The following ANKS1B variants were observed in gnomAD, a reference collection of about 807,000 sequenced individuals.
ANKS1B encodes ankyrin repeat and sterile alpha motif domain-containing protein 1B.
ANKS1B carries 36 observed loss-of-function variants against 148.3 expected under a neutral mutation model. The observed-to-expected ratio is 0.24, with a 90% CI of 0.19 to 0.32. The LOEUF is 0.32. Ranked by LOEUF, ANKS1B falls within the 10% of genes least tolerant of loss-of-function variation. ANKS1B has a pLI of 1.00. For synonymous variants in ANKS1B, 542 were observed against 560.8 expected, an observed-to-expected ratio of 0.97 and a Z score of 0.47; for missense variants, 1,157 against 1,542.6, an observed-to-expected ratio of 0.75 and a Z score of 4.19.
chr12:99,311,199 T>A (rs1272503432), intron 12 of ANKS1B, among the ~76,000 whole-genome samples: 2 of 152,116 alleles, frequency 1.3e-5, no homozygotes, highest in African/African-American at 2.4e-5. Flanking sequence ...CTTGCCAATA[T>A]TAATCTAGAG....
chr12:99,647,499 C>T (rs1041543761), intron 9 of ANKS1B, among the ~76,000 whole-genome samples: 1 of 152,160 alleles, frequency 6.6e-6, no homozygotes, highest in African/African-American at 2.4e-5. Context: ...AAACTCTTGC[C>T]TTGCACAGAA....
At chr12:99,400,495 C>T (rs1483009945) in intron 11 of ANKS1B, among the ~76,000 whole-genome samples, 2 of 144,656 alleles carry the variant, frequency 1.4e-5, no homozygotes, top group Non-Finnish European at 3.0e-5. Flanking sequence ...ATAATCTATA[C>T]CCTTTGTCAG....
At chr12:99,044,980 A>G (rs2099961391) in intron 17 of ANKS1B, among the ~76,000 whole-genome samples, 1 of 152,192 alleles carries the variant, frequency 6.6e-6, no homozygotes. Flanking sequence ...AAGAGAGGGC[A>G]CATTTGAAAC....
At chr12:98,989,858 A>G (rs761564992) in intron 17 of ANKS1B, among the ~76,000 whole-genome samples, 1 of 152,000 alleles carries the variant, frequency 6.6e-6, no homozygotes, top group Non-Finnish European at 1.5e-5. Flanking sequence ...GTGCCACTGC[A>G]TTGCAGCCTA....
intron 14 of ANKS1B, among the ~76,000 whole-genome samples, chr12:99,239,411 G>A (rs2131167): frequency 0.45 from 68,660 of 151,960 alleles, 15,829 homozygotes; most frequent in African/African-American, 0.54. Context: ...AGAAATATGG[G>A]ACTATGTGAA....
chr12:99,930,353 A>C (rs1261983498), intron 1 of ANKS1B, among the ~76,000 whole-genome samples: 341 of 152,150 alleles, frequency 2.2e-3, no homozygotes, highest in African/African-American at 7.7e-3. Context: ...GATTTTGTAT[A>C]CTGAGACTTT....
intron 15 of ANKS1B, among the ~76,000 whole-genome samples, chr12:99,109,188 C>T (rs1449686140): frequency 1.2e-5 from 1 of 84,134 alleles, no homozygotes; most frequent in Admixed American, 1.5e-4. Flanking sequence ...ACCATCAGCA[C>T]TTGCTAGCTT....
chr12:99,406,103 G>T (rs1446787424), intron 11 of ANKS1B, among the ~76,000 whole-genome samples: 5 of 144,914 alleles, frequency 3.5e-5, no homozygotes, highest in Non-Finnish European at 7.6e-5. Flanking sequence ...TTTCATCATT[G>T]GACAGATCAT....
chr12:99,537,460 TG>T (rs1567301731), intron 9 of ANKS1B, among the ~76,000 whole-genome samples: 1 of 152,150 alleles, frequency 6.6e-6, no homozygotes. Flanking sequence ...CCATTTTAAC[TG>T]GGTAAGATGA....
At chr12:99,572,576 C>T (rs2097469546) in intron 9 of ANKS1B, among the ~76,000 whole-genome samples, 1 of 152,018 alleles carries the variant, frequency 6.6e-6, no homozygotes, top group Non-Finnish European at 1.5e-5. Context: ...GTTTTAAACA[C>T]AGTGTATAAA....
chr12:99,536,076 G>A (rs1469626518), intron 9 of ANKS1B, among the ~76,000 whole-genome samples: 1 of 152,090 alleles, frequency 6.6e-6, no homozygotes, highest in Non-Finnish European at 1.5e-5. Context: ...GCAGCTCCCT[G>A]GAAAAGCTCC....
chr12:99,238,121 G>A (rs1304658944), intron 14 of ANKS1B, among the ~76,000 whole-genome samples: 1 of 152,240 alleles, frequency 6.6e-6, no homozygotes, highest in Non-Finnish European at 1.5e-5. Flanking sequence ...AGTGCAAGGG[G>A]TTGGGGGATT....
intron 24 of ANKS1B, among the ~76,000 whole-genome samples, chr12:98,773,939 C>T (rs1326225941): frequency 6.6e-6 from 1 of 152,138 alleles, no homozygotes; most frequent in Non-Finnish European, 1.5e-5. Context: ...CATGCTTGCA[C>T]GTTGTTCTTG....
At chr12:99,492,706 C>T (rs1279255595) in intron 10 of ANKS1B, among the ~76,000 whole-genome samples, 1 of 152,192 alleles carries the variant, frequency 6.6e-6, no homozygotes, top group South Asian at 2.1e-4. Flanking sequence ...CCACCACAAT[C>T]AATTAAGCTT....
chr12:99,866,410 C>T (rs2090764721), intron 1 of ANKS1B, among the ~76,000 whole-genome samples: 1 of 152,158 alleles, frequency 6.6e-6, no homozygotes, highest in Non-Finnish European at 1.5e-5. Flanking sequence ...TTTCCTACCT[C>T]ATTTTCAGCA....
chr12:98,894,897 T>C (rs931858334), intron 17 of ANKS1B: 5 of 907,772 alleles, frequency 5.5e-6, no homozygotes, highest in African/African-American at 3.8e-5. Context: ...CGCCCCCCAC[T>C]GCCCCCGCCC....
At chr12:99,062,284 A>G (rs1429729297) in intron 16 of ANKS1B, among the ~76,000 whole-genome samples, 1 of 152,206 alleles carries the variant, frequency 6.6e-6, no homozygotes. Flanking sequence ...GAAACTACAC[A>G]AGGAGAATTT....
chr12:99,912,276 T>C lies in ANKS1B; in HGVS notation c.134+71828A>G, dbSNP rs2094028332. 3.9e-5 allele frequency among the ~76,000 whole-genome samples: 6 copies of C among 152,206 alleles called. No homozygotes were observed. The South Asian group carries it at 1.2e-3, about 31-fold the overall frequency. On this transcript the variant is annotated intron_variant, in intron 1 of 26. Transcript: ENST00000683438. The stretch of plus-strand genomic sequence containing the variant: ...AGTTTCATTTCACTGTTTTACAGTG[T>C]GTTTACTGTTTACAGTGAGTTTGGT...
At chr12:99,649,756 G>T (rs1425269681) in intron 9 of ANKS1B, 1 of 181,390 alleles carries the variant, frequency 5.5e-6, no homozygotes, top group Admixed American at 5.9e-5. Flanking sequence ...CAGTATGAAT[G>T]TGGTGGCTAC....
Sources: allele counts gnomAD v4.1 joint callset (sites outside exome capture counted in the v4.1 genomes callset), GRCh38; gene constraint gnomAD v4.1.1; transcripts MANE v1.5; gene names NCBI Gene and HGNC (gene_info 2026-07-23, HGNC 2026-07-21).